GRIP1: variants seen among roughly 807,000 people sequenced by gnomAD.
GRIP1 encodes glutamate receptor interacting protein 1, also known as glutamate receptor-interacting protein 1.
GRIP1 carries 45 observed loss-of-function variants against 129.9 expected under a neutral mutation model. The observed-to-expected ratio is 0.35, with a 90% CI of 0.27 to 0.44. The LOEUF is 0.44. GRIP1 is among the 20% of genes least tolerant of loss of function. The pLI is 1.00. For synonymous variants in GRIP1, 530 were observed against 520.8 expected (o/e 1.02, Z -0.24); for missense variants, 1,196 against 1,396.8 (o/e 0.86, Z 2.29).
chr12:66,779,227 A>C (rs2038081330), intron 1 of GRIP1, among the ~76,000 whole-genome samples: 1 of 152,178 alleles, frequency 6.6e-6, no homozygotes, highest in Admixed American at 6.5e-5. Context: ...ATTAAGCTGG[A>C]CTTTACTATC....
At chr12:66,683,475 G>C (rs1254030531), upstream of GRIP1, among the ~76,000 whole-genome samples, 1 of 152,104 alleles carries the variant, frequency 6.6e-6, no homozygotes, top group African/African-American at 2.4e-5. Context: ...GCCCAAGACA[G>C]AATTTATCAG....
intron 1 of GRIP1, among the ~76,000 whole-genome samples, chr12:67,044,102 G>C (rs1565653164): frequency 6.6e-6 from 1 of 152,076 alleles, no homozygotes; most frequent in Non-Finnish European, 1.5e-5. Flanking sequence ...AAAAGAACTA[G>C]AAAACCACAC....
chr12:66,971,263 T>G (rs1024186046), intron 1 of GRIP1, among the ~76,000 whole-genome samples: 3 of 152,078 alleles, frequency 2.0e-5, no homozygotes, highest in African/African-American at 4.8e-5. Flanking sequence ...TTGCTGACAG[T>G]TCCAGGAAAA....
intron 1 of GRIP1, among the ~76,000 whole-genome samples, chr12:66,630,988 T>A (rs752118963): frequency 1.3e-5 from 2 of 151,994 alleles, no homozygotes; most frequent in Non-Finnish European, 2.9e-5. Context: ...CAGGCTGGAG[T>A]GCAGTGGCAT....
At chr12:66,749,146 T>C (rs12303212) in intron 1 of GRIP1, among the ~76,000 whole-genome samples, 6,065 of 152,324 alleles carry the variant, frequency 0.04, 414 homozygotes, top group African/African-American at 0.14. Flanking sequence ...TTTATTATTA[T>C]GTTTTAATTA....
chr12:66,403,126 A>ATT (rs71096100), intron 16 of GRIP1, among the ~76,000 whole-genome samples: 117 of 149,648 alleles, frequency 7.8e-4, no homozygotes, highest in Admixed American at 1.4e-3. Context: ...CTGAGGTCTG[A>ATT]TTTTTTTTTT....
intron 19 of GRIP1, 47 bp downstream of exon 19, chr12:66,392,261 G>T: frequency 9.2e-7 from 1 of 1,088,426 alleles, no homozygotes; most frequent in Non-Finnish European, 1.4e-6. Flanking sequence ...GGAGAAGCAT[G>T]GGCTTCAACA....
intron 4 of GRIP1, among the ~76,000 whole-genome samples, chr12:66,530,275 CAA>C (rs1365569098): frequency 2.0e-5 from 3 of 152,098 alleles, no homozygotes; most frequent in Non-Finnish European, 4.4e-5. Flanking sequence ...AATGCAAAAA[CAA>C]TATTTTTGTA....
chr12:66,378,944 C>T (rs1009151202), intron 20 of GRIP1, among the ~76,000 whole-genome samples: 7 of 151,802 alleles, frequency 4.6e-5, no homozygotes, highest in African/African-American at 1.7e-4. Context: ...GAGACTCTGT[C>T]TCAAAAAATA....
chr12:66,605,320 T>C (rs1187576806), intron 1 of GRIP1, among the ~76,000 whole-genome samples: 4 of 152,132 alleles, frequency 2.6e-5, no homozygotes. Context: ...ATGTAAACCG[T>C]AGAGAAAAAG....
At chr12:66,606,004 T>A (rs944044759) in intron 1 of GRIP1, among the ~76,000 whole-genome samples, 4 of 152,144 alleles carry the variant, frequency 2.6e-5, no homozygotes, top group African/African-American at 9.7e-5. Context: ...TTGATTTGAC[T>A]GAGGAACAAG....
At chr12:66,913,007 T>TCA (rs1361063347) in intron 1 of GRIP1, among the ~76,000 whole-genome samples, 18 of 152,156 alleles carry the variant, frequency 1.2e-4, no homozygotes, top group Non-Finnish European at 2.1e-4. Flanking sequence ...TGTGCAAAAT[T>TCA]AACACTCCAT....
chr12:66,486,240 G>C (rs2059950846), intron 7 of GRIP1, among the ~76,000 whole-genome samples: 2 of 151,684 alleles, frequency 1.3e-5, no homozygotes, highest in African/African-American at 4.8e-5. Flanking sequence ...ACAGATTTCA[G>C]TATTAAATTT....
At chr12:66,636,758 A>ACTCTCT (rs138493001) in intron 1 of GRIP1, among the ~76,000 whole-genome samples, 1 of 121,818 alleles carries the variant, frequency 8.2e-6, no homozygotes, top group Non-Finnish European at 1.8e-5. Flanking sequence ...TGTGTGTCTC[A>ACTCTCT]CTCTCTCTCT....
chr12:66,481,598 G>T (rs2059806854), intron 7 of GRIP1, among the ~76,000 whole-genome samples: 2 of 152,134 alleles, frequency 1.3e-5, no homozygotes, highest in Non-Finnish European at 2.9e-5. Flanking sequence ...CCATTACTGG[G>T]TATATACCCA....
intron 2 of GRIP1, among the ~76,000 whole-genome samples, chr12:66,561,266 T>C (rs1166569275): frequency 6.6e-6 from 1 of 152,122 alleles, no homozygotes; most frequent in South Asian, 2.1e-4. Flanking sequence ...GATGCAGTAT[T>C]TGATAACACA....
intron 1 of GRIP1, among the ~76,000 whole-genome samples, chr12:66,727,711 T>C (rs1006197407): frequency 1.3e-5 from 2 of 152,176 alleles, no homozygotes; most frequent in African/African-American, 4.8e-5. Context: ...TTTAAACACA[T>C]AGCCTTTTGA....
intron 1 of GRIP1, among the ~76,000 whole-genome samples, chr12:66,977,437 G>T (rs147164869): frequency 6.6e-6 from 1 of 152,082 alleles, no homozygotes; most frequent in African/African-American, 2.4e-5. Flanking sequence ...AAAGGTTACA[G>T]AAAAGTGTAC....
chr12:66,453,120 G>T lies in GRIP1; in HGVS notation c.1354+2289C>A, dbSNP rs74700903. On this transcript the variant is annotated intron_variant, in intron 11 of 24. Coordinates refer to ENST00000359742, the MANE Select transcript of GRIP1 (RefSeq NM_001366722.1). ...AAGAATAATGTCCTGATTCAAGAGA[G>T]AATTTATGCGTTGGTTATGCATATC... Among the ~76,000 whole-genome samples, 1,456 of 152,276 alleles carry T rather than the reference G, an allele frequency of 9.6e-3. 27 individuals carry two copies. Among genetic ancestry groups the T allele is most frequent in the African/African-American group, 0.032 (1,343 of 41,544 alleles).
Sources: gnomAD v4.1 joint callset for allele counts (sites outside exome capture counted in the v4.1 genomes callset) on GRCh38, gnomAD v4.1.1 for gene constraint, MANE v1.5 for transcripts, NCBI Gene and HGNC (gene_info 2026-07-23, HGNC 2026-07-21) for gene names.